The following PSD3 variants were observed in gnomAD, a reference collection of about 807,000 sequenced individuals.
PSD3 encodes the protein PH and SEC7 domain-containing protein 3.
Under a neutral mutation model 105.5 loss-of-function variants are expected in PSD3, and 49 were observed. The ratio of observed to expected loss-of-function variants is 0.46; its 90% CI spans 0.37 to 0.59. The LOEUF (loss-of-function observed/expected upper bound fraction) is 0.59, where lower values mean the gene tolerates loss of function less well. PSD3 is among the 20% of genes least tolerant of loss of function. The probability of loss-of-function intolerance (pLI) is 0.00; values close to 1 mark genes in which losing one functional copy is unlikely to be tolerated. For missense variants in PSD3, 1,561 were observed against 1,263.8 expected (o/e 1.24, Z -3.57); for synonymous variants, 557 against 457.8 (o/e 1.22, Z -2.77).
At chr8:18,753,436 T>C (rs1276424222) in intron 9 of PSD3, among the ~76,000 whole-genome samples, 4 of 152,036 alleles carry the variant, frequency 2.6e-5, no homozygotes, top group Non-Finnish European at 2.9e-5. Flanking sequence ...GGAAAGTTCA[T>C]GTACCTGCAT....
chr8:18,564,867 A>G (rs1801635596), intron 14 of PSD3, among the ~76,000 whole-genome samples: 1 of 152,130 alleles, frequency 6.6e-6, no homozygotes, highest in Non-Finnish European at 1.5e-5. Flanking sequence ...AATCAAGCAT[A>G]GGACTGCTTT....
chr8:18,991,495 G>C (rs538822121), intron 1 of PSD3, among the ~76,000 whole-genome samples: 173 of 152,092 alleles, frequency 1.1e-3, no homozygotes, highest in African/African-American at 4.0e-3. Flanking sequence ...GGCCTTCTCT[G>C]ACTGCTTTTA....
At chr8:18,993,692 C>T (rs1248401072) in intron 1 of PSD3, among the ~76,000 whole-genome samples, 2 of 151,774 alleles carry the variant, frequency 1.3e-5, no homozygotes, top group Admixed American at 1.3e-4. Flanking sequence ...GCTGTTTTTC[C>T]CCACATCAGG....
chr8:18,851,513 C>T (rs530652286), intron 4 of PSD3, among the ~76,000 whole-genome samples: 11 of 152,364 alleles, frequency 7.2e-5, no homozygotes, highest in African/African-American at 1.7e-4. Flanking sequence ...CCCTCTGCTA[C>T]GAGGCAAGCT....
At chr8:18,617,759 G>A (rs1486382807) in intron 11 of PSD3, among the ~76,000 whole-genome samples, 1 of 152,082 alleles carries the variant, frequency 6.6e-6, no homozygotes, top group Non-Finnish European at 1.5e-5. Context: ...ACACTAAAAT[G>A]GAGATCCCGA....
At chr8:18,575,538 A>G (rs2130360623) in intron 12 of PSD3, among the ~76,000 whole-genome samples, 1 of 152,312 alleles carries the variant, frequency 6.6e-6, no homozygotes, top group South Asian at 2.1e-4. Context: ...AAAAACTGAT[A>G]TACAATAATT....
intron 10 of PSD3, among the ~76,000 whole-genome samples, chr8:18,643,642 A>T (rs1807814533): frequency 6.6e-6 from 1 of 152,242 alleles, no homozygotes. Context: ...CAAATAGGGA[A>T]AACAACATTA....
At chr8:18,637,407 C>A (rs948968814) in intron 10 of PSD3, among the ~76,000 whole-genome samples, 1 of 152,108 alleles carries the variant, frequency 6.6e-6, no homozygotes, top group Non-Finnish European at 1.5e-5. Context: ...GAGTCATGTA[C>A]CCACTACAAT....
intron 12 of PSD3, among the ~76,000 whole-genome samples, chr8:18,582,155 G>A (rs1258489484): frequency 2.6e-5 from 4 of 152,120 alleles, no homozygotes; most frequent in Admixed American, 2.6e-4. Flanking sequence ...AGAAAAAGAG[G>A]AGTGGAGTGG....
chr8:18,808,473 A>C (rs559533179), intron 4 of PSD3, among the ~76,000 whole-genome samples: 14 of 152,138 alleles, frequency 9.2e-5, no homozygotes, highest in African/African-American at 3.4e-4. Flanking sequence ...CTCATTCTCC[A>C]TATTTGCCCC....
chr8:18,772,156 T>C (rs1437727448), intron 8 of PSD3, among the ~76,000 whole-genome samples: 1 of 152,214 alleles, frequency 6.6e-6, no homozygotes, highest in East Asian at 1.9e-4. Flanking sequence ...CTGCTTCTAC[T>C]TCTTGGTTAA....
intron 4 of PSD3, among the ~76,000 whole-genome samples, chr8:18,862,936 G>A (rs1036914100): frequency 7.2e-5 from 11 of 151,894 alleles, no homozygotes; most frequent in Non-Finnish European, 1.3e-4. Context: ...ATTCAGAGTG[G>A]GCTGAAGACA....
intron 9 of PSD3, among the ~76,000 whole-genome samples, chr8:18,664,902 A>C (rs1213785563): frequency 6.6e-6 from 1 of 152,210 alleles, no homozygotes; most frequent in African/African-American, 2.4e-5. Context: ...ATGGCAGCAT[A>C]TCTGTTGACA....
intron 1 of PSD3, among the ~76,000 whole-genome samples, chr8:18,938,140 T>A (rs547575801): frequency 8.5e-5 from 13 of 152,314 alleles, no homozygotes; most frequent in Non-Finnish European, 1.5e-4. Context: ...GATTATTCAT[T>A]TACACTTTTA....
intron 15 of PSD3, among the ~76,000 whole-genome samples, chr8:18,541,608 T>G (rs537805826): frequency 6.6e-6 from 1 of 152,294 alleles, no homozygotes; most frequent in African/African-American, 2.4e-5. Flanking sequence ...GTTGTCAAGA[T>G]GCCACACGTG....
intron 1 of PSD3, among the ~76,000 whole-genome samples, chr8:18,961,750 G>C (rs11780707): frequency 1.3e-5 from 2 of 151,858 alleles, no homozygotes; most frequent in Non-Finnish European, 2.9e-5. Flanking sequence ...AGGTATTTAA[G>C]ATTACCATAA....
At chr8:19,075,856 G>A (rs1230900401) in intron 1 of PSD3, among the ~76,000 whole-genome samples, 1 of 152,110 alleles carries the variant, frequency 6.6e-6, no homozygotes, top group African/African-American at 2.4e-5. Context: ...GATTATAAAG[G>A]ACCCAGAGAA....
chr8:18,961,453 C>A (rs550242165), intron 1 of PSD3, among the ~76,000 whole-genome samples: 2 of 152,260 alleles, frequency 1.3e-5, no homozygotes, highest in South Asian at 2.1e-4. Context: ...CTTTGGGAGG[C>A]CAAGGCGGGC....
chr8:18,801,108 G>C, intron 7 of PSD3, 162 bp downstream of exon 7: 1 of 446,328 alleles, frequency 2.2e-6, no homozygotes, highest in Non-Finnish European at 4.0e-6. Context: ...ATTCCAATTT[G>C]ACATTAAATA....
Sources: gnomAD v4.1 joint callset for allele counts (sites outside exome capture counted in the v4.1 genomes callset) on GRCh38, gnomAD v4.1.1 for gene constraint, MANE v1.5 for transcripts, NCBI Gene and HGNC (gene_info 2026-07-23, HGNC 2026-07-21) for gene names.